Variants in RAB38 observed in about 807,000 individuals in gnomAD.
The protein encoded by RAB38 is RAB38, member RAS oncogene family.
In RAB38, 15 loss-of-function variants were observed where a neutral mutation model predicts 18.4. The ratio of observed to expected loss-of-function variants is 0.82; its 90% CI spans 0.55 to 1.26. The LOEUF (loss-of-function observed/expected upper bound fraction) is 1.26, where lower values mean the gene tolerates loss of function less well. Ranked by LOEUF, RAB38 falls within the 50% of genes most tolerant of loss-of-function variation. The probability of loss-of-function intolerance (pLI) is 0.00; values close to 1 mark genes in which losing one functional copy is unlikely to be tolerated. For missense variants in RAB38, 294 were observed against 267.4 expected (o/e 1.10, Z -0.69); for synonymous variants, 101 against 104.4 (o/e 0.97, Z 0.20).
At chr11:88,031,450 C>G in the RAB38 span, among the ~76,000 whole-genome samples, 1 of 151,836 alleles carries the variant, frequency 6.6e-6, no homozygotes, top group Non-Finnish European at 1.5e-5. Flanking sequence ...TCCCTGTTTG[C>G]AGATGACATG....
At chr11:87,812,527 T>C in the RAB38 span, among the ~76,000 whole-genome samples, 1 of 152,246 alleles carries the variant, frequency 6.6e-6, no homozygotes, top group Non-Finnish European at 1.5e-5. Context: ...AATCTGAATA[T>C]TATGAAGAGT....
chr11:87,940,672 C>A, the RAB38 span, among the ~76,000 whole-genome samples: 2 of 152,152 alleles, frequency 1.3e-5, no homozygotes, highest in Admixed American at 1.3e-4. Flanking sequence ...GAGATGGAGT[C>A]TCACTCTGTT....
chr11:87,976,799 T>C, the RAB38 span, among the ~76,000 whole-genome samples: 17,629 of 40,398 alleles, frequency 0.44, 5,159 homozygotes, highest in East Asian at 0.84. Flanking sequence ...AATATATACT[T>C]ATAATATATT....
At chr11:87,936,384 T>C in the RAB38 span, among the ~76,000 whole-genome samples, 3 of 152,114 alleles carry the variant, frequency 2.0e-5, no homozygotes, top group Non-Finnish European at 2.9e-5. Context: ...TGTTCCAACA[T>C]CATTTATTGA....
At chr11:87,861,585 C>G in the RAB38 span, among the ~76,000 whole-genome samples, 2 of 151,802 alleles carry the variant, frequency 1.3e-5, no homozygotes, top group East Asian at 3.9e-4. Flanking sequence ...TGTTGACTTT[C>G]TAGAGGGCCA....
chr11:87,860,000 C>G, the RAB38 span, among the ~76,000 whole-genome samples: 1 of 151,982 alleles, frequency 6.6e-6, no homozygotes, highest in Non-Finnish European at 1.5e-5. Context: ...GTATAGAATA[C>G]TTAAAGTGGC....
chr11:87,887,400 C>T, the RAB38 span, among the ~76,000 whole-genome samples: 1 of 151,982 alleles, frequency 6.6e-6, no homozygotes, highest in Non-Finnish European at 1.5e-5. Flanking sequence ...TAATACTTAG[C>T]ATATGCTCCG....
chr11:87,887,119 A>T, the RAB38 span, among the ~76,000 whole-genome samples: 203 of 152,078 alleles, frequency 1.3e-3, no homozygotes, highest in African/African-American at 4.7e-3. Context: ...CTTTAAGGCA[A>T]CCAAAAGCCG....
the RAB38 span, among the ~76,000 whole-genome samples, chr11:87,874,296 G>A: frequency 2.0e-4 from 31 of 151,412 alleles, no homozygotes; most frequent in African/African-American, 5.6e-4. Context: ...AAACAATAAA[G>A]TGAAGAGAAA....
chr11:87,955,188 C>T, the RAB38 span, among the ~76,000 whole-genome samples: 1 of 152,096 alleles, frequency 6.6e-6, no homozygotes. Flanking sequence ...TTGGTGCACT[C>T]TTCCACATGC....
the RAB38 span, among the ~76,000 whole-genome samples, chr11:87,977,999 T>C: frequency 1.1e-5 from 1 of 94,942 alleles, no homozygotes; most frequent in South Asian, 3.4e-4. Flanking sequence ...TATAAACTAT[T>C]ATTTTAATAT....
the RAB38 span, among the ~76,000 whole-genome samples, chr11:88,009,278 A>C: frequency 6.6e-6 from 1 of 152,302 alleles, no homozygotes; most frequent in South Asian, 2.1e-4. Flanking sequence ...ATAAGCATAT[A>C]ATAGAGGCAC....
the RAB38 span, among the ~76,000 whole-genome samples, chr11:87,930,409 G>A: frequency 6.6e-6 from 1 of 151,278 alleles, no homozygotes; most frequent in African/African-American, 2.4e-5. Flanking sequence ...GGTTGATGGG[G>A]TTGTTTGTTT....
chr11:87,947,008 C>G, the RAB38 span, among the ~76,000 whole-genome samples: 1 of 151,958 alleles, frequency 6.6e-6, no homozygotes, highest in Non-Finnish European at 1.5e-5. Flanking sequence ...GTCCCACCAA[C>G]AGTGTAAAAG....
the RAB38 span, among the ~76,000 whole-genome samples, chr11:87,829,764 T>TA: frequency 6.6e-6 from 1 of 152,172 alleles, no homozygotes; most frequent in Non-Finnish European, 1.5e-5. Context: ...AAACTGTGCA[T>TA]AGGAGGTAAC....
the RAB38 span, among the ~76,000 whole-genome samples, chr11:87,928,251 T>C: frequency 6.6e-6 from 1 of 152,084 alleles, no homozygotes; most frequent in Non-Finnish European, 1.5e-5. Context: ...GTACTTTTAA[T>C]AACAAATTAC....
At chr11:87,819,704 A>G in the RAB38 span, among the ~76,000 whole-genome samples, 9 of 3,364 alleles carry the variant, frequency 2.7e-3, no homozygotes, top group African/African-American at 6.2e-3. Flanking sequence ...GTGTGTGTGT[A>G]TATATATATA....
the RAB38 span, among the ~76,000 whole-genome samples, chr11:88,069,693 C>T: frequency 3.3e-5 from 5 of 152,070 alleles, no homozygotes; most frequent in Non-Finnish European, 5.9e-5. Context: ...CACCAATCAG[C>T]ACTCTGTGTC....
chr11:88,099,864 TATA>T, the RAB38 span: 2 of 151,822 alleles, frequency 1.3e-5, no homozygotes, highest in Middle Eastern at 3.4e-3. Flanking sequence ...AATTTATTAA[TATA>T]ATAATATTTT....
Sources: gnomAD v4.1 joint callset for allele counts (sites outside exome capture counted in the v4.1 genomes callset) on GRCh38, gnomAD v4.1.1 for gene constraint, MANE v1.5 for transcripts, NCBI Gene and HGNC (gene_info 2026-07-23, HGNC 2026-07-21) for gene names.